LRIG2: variants seen among roughly 807,000 people sequenced by gnomAD.
The protein encoded by LRIG2 is leucine-rich repeats and immunoglobulin-like domains protein 2.
In LRIG2, 93 loss-of-function variants were observed where a neutral mutation model predicts 107.8. The ratio of observed to expected loss-of-function variants is 0.86; its 90% CI spans 0.73 to 1.03. The LOEUF (loss-of-function observed/expected upper bound fraction) is 1.03. Among genes scored for constraint, LRIG2 ranks in the 50% least tolerant of loss-of-function variants. LRIG2 has a pLI of 0.00. For synonymous variants in LRIG2, 471 were observed against 470.6 expected (o/e 1.00, Z -0.01); for missense variants, 1,226 against 1,296.0 (o/e 0.95, Z 0.83).
chr1:113,092,118 T>A (rs1384155887), intron 2 of LRIG2, among the ~76,000 whole-genome samples: 1 of 152,170 alleles, frequency 6.6e-6, no homozygotes, highest in Non-Finnish European at 1.5e-5. Flanking sequence ...AGTACACAGT[T>A]GACAAGTTTG....
At chr1:113,095,821 A>C in intron 6 of LRIG2, 53 bp from the exon 7 acceptor site, 1 of 1,600,008 alleles carries the variant, frequency 6.2e-7, no homozygotes, top group Admixed American at 1.7e-5. Flanking sequence ...AAAGCTAGTT[A>C]TTGAACTGCC....
chr1:113,106,662 G>A (rs1299203454), intron 11 of LRIG2, among the ~76,000 whole-genome samples: 4 of 151,868 alleles, frequency 2.6e-5, no homozygotes, highest in Non-Finnish European at 4.4e-5. Context: ...CATCCACCAC[G>A]CCCAGCTAAT....
At chr1:113,079,177 T>G (rs1246447507) in intron 1 of LRIG2, among the ~76,000 whole-genome samples, 1 of 151,326 alleles carries the variant, frequency 6.6e-6, no homozygotes, top group Admixed American at 6.6e-5. Context: ...AAACCCACTG[T>G]CTGTCAAAAA....
In LRIG2 at chr1:113,130,535, A is replaced by G. The variant is rs1655672001; in HGVS notation, c.*6434A>G. The G allele has an allele frequency of 6.6e-6, 1 of 152,198 alleles. No homozygotes were observed. Among genetic ancestry groups the G allele is most frequent in the African/African-American group, 2.4e-5 (1 of 41,448 alleles). 9.4% of individuals were successfully genotyped at this position (152,198 alleles called of 1,614,324 possible). A position where few individuals can be genotyped will look rare whatever the true frequency, so the allele number is the denominator to read the frequency against. The stretch of plus-strand genomic sequence containing the variant: ...CTTTAGTAAATTTATCTGATAATGG[A>G]ATAATCAGCCTTTTTGGTGGAAAGG... On this transcript the variant is annotated 3_prime_UTR_variant, in exon 18 of 18. Transcript: ENST00000361127.
At chr1:113,122,154 C>T (rs1032444826) in intron 17 of LRIG2, among the ~76,000 whole-genome samples, 1 of 141,548 alleles carries the variant, frequency 7.1e-6, no homozygotes, top group African/African-American at 2.6e-5. Flanking sequence ...ACGATCTCGG[C>T]TCACTGCAAC....
rs1557927380 is a variant in LRIG2, at chr1:113,127,451, T to G, written c.*3350T>G. ...TTCACCATGTTGGCCAGGCTGGTCT[T>G]GAACTCCTGACCTCAGGTGATCTGC... On this transcript the variant is annotated 3_prime_UTR_variant, in exon 18 of 18. Coordinates refer to ENST00000361127, the MANE Select transcript of LRIG2 (RefSeq NM_014813.3). The G allele has an allele frequency of 6.7e-6, 1 of 149,306 alleles. No individual in the cohort carries two copies. 9.2% of individuals were successfully genotyped at this position (149,306 alleles called of 1,614,324 possible).
Position 113,117,950 on chromosome 1 carries a change from A to T in LRIG2, c.2681-1283A>T, listed in dbSNP as rs189288906. On this transcript the variant is annotated intron_variant, in intron 16 of 17. Transcript: ENST00000361127. ...TTTGGTTTTTTTGAGACAGAGTTTC[A>T]TTCTTGTCACCCAGGCTGGAGTGCA... Among the ~76,000 whole-genome samples, 12 of 147,790 alleles carry T rather than the reference A, an allele frequency of 8.1e-5. No individual in the cohort carries two copies. The East Asian group carries it at 2.3e-3, about 28-fold the overall frequency.
chr1:113,083,684 C>T (rs1160947649), intron 1 of LRIG2, among the ~76,000 whole-genome samples: 3 of 151,814 alleles, frequency 2.0e-5, no homozygotes, highest in East Asian at 3.9e-4. Context: ...CATGTGAACT[C>T]AGAACATCCT....
intron 1 of LRIG2, among the ~76,000 whole-genome samples, chr1:113,089,752 G>A (rs537366247): frequency 3.1e-5 from 4 of 129,208 alleles, no homozygotes; most frequent in African/African-American, 1.1e-4. Flanking sequence ...TGCAATCTTG[G>A]CTCACTACAA....
At chr1:113,092,816 C>G (rs1430081849) in intron 2 of LRIG2, among the ~76,000 whole-genome samples, 1 of 151,982 alleles carries the variant, frequency 6.6e-6, no homozygotes. Flanking sequence ...CATGGTGAAA[C>G]CTGTCTCTAC....
chr1:113,101,480 G>A (rs750885053), intron 11 of LRIG2, among the ~76,000 whole-genome samples: 1 of 152,230 alleles, frequency 6.6e-6, no homozygotes, highest in Non-Finnish European at 1.5e-5. Flanking sequence ...ACTCTGTGGA[G>A]CAGAACTGGT....
Position 113,113,852 on chromosome 1 carries a change from A to G in LRIG2, c.2081-575A>G, listed in dbSNP as rs1026557011. The stretch of plus-strand genomic sequence containing the variant: ...AAGTCATTTATTGTTTTAACATGTT[A>G]AGATATACAGAAAATTAGGAAAAGG... On this transcript the variant is annotated intron_variant, in intron 14 of 17. Coordinates refer to ENST00000361127, the MANE Select transcript of LRIG2 (RefSeq NM_014813.3). Among the ~76,000 whole-genome samples the G allele has an allele frequency of 2.6e-5, 4 of 152,154 alleles. No individual in the cohort carries two copies. The East Asian group carries it at 5.8e-4, about 22-fold the overall frequency.
chr1:113,100,180 G>A, intron 9 of LRIG2, 31 bp from the exon 10 acceptor site: 1 of 1,342,118 alleles, frequency 7.5e-7, no homozygotes, highest in Middle Eastern at 2.0e-4. Context: ...TTAGTGGAGA[G>A]CTTTCTTAGA....
intron 1 of LRIG2, among the ~76,000 whole-genome samples, chr1:113,075,747 G>T (rs2101009869): frequency 6.8e-6 from 1 of 146,668 alleles, no homozygotes; most frequent in Middle Eastern, 3.5e-3. Flanking sequence ...CCAGGCTGGA[G>T]TGCAATGGTG....
intron 17 of LRIG2, among the ~76,000 whole-genome samples, chr1:113,122,106 A>G (rs2101071471): frequency 8.0e-6 from 1 of 124,734 alleles, no homozygotes; most frequent in South Asian, 2.6e-4. Flanking sequence ...TTTGAGATAC[A>G]GAGTCTCGCT....
rs904639931 is a variant in LRIG2, at chr1:113,125,645, A to C, written c.*1544A>C. 4 of 152,184 alleles carry C rather than the reference A, an allele frequency of 2.6e-5. No individual in the cohort carries two copies. Among genetic ancestry groups the C allele is most frequent in the Non-Finnish European group, 4.4e-5 (3 of 68,036 alleles). The allele number at this position is 152,184 out of a possible 1,614,324, so 9.4% of individuals were successfully genotyped here. ...TAAGCAGTACTGTGACATGAATTGG[A>C]GCCAGAACAGTTGCTGATATCAGAA... On this transcript the variant is annotated 3_prime_UTR_variant, in exon 18 of 18. Coordinates refer to ENST00000361127, the MANE Select transcript of LRIG2 (RefSeq NM_014813.3).
At chr1:113,096,563 G>A (rs1654077767) in intron 8 of LRIG2, among the ~76,000 whole-genome samples, 198 bp downstream of exon 8, 1 of 152,156 alleles carries the variant, frequency 6.6e-6, no homozygotes, top group South Asian at 2.1e-4. Context: ...AGGCAATTCA[G>A]TTTGTAGTTT....
chr1:113,107,930 G>T, intron 12 of LRIG2, 173 bp downstream of exon 12: 1 of 594,242 alleles, frequency 1.7e-6, no homozygotes, highest in Non-Finnish European at 2.8e-6. Flanking sequence ...TCTTTTAGAG[G>T]GACTGTTAAC....
At chr1:113,086,436 T>G (rs1301971622) in intron 1 of LRIG2, among the ~76,000 whole-genome samples, 1 of 152,204 alleles carries the variant, frequency 6.6e-6, no homozygotes, top group African/African-American at 2.4e-5. Context: ...GATACAATAT[T>G]TTCTTATGAT....
Sources: allele counts gnomAD v4.1 joint callset (sites outside exome capture counted in the v4.1 genomes callset), GRCh38; gene constraint gnomAD v4.1.1; transcripts MANE v1.5; gene names NCBI Gene and HGNC (gene_info 2026-07-23, HGNC 2026-07-21).